FARS2: variants seen among roughly 807,000 people sequenced by gnomAD.
FARS2 encodes the protein phenylalanyl-tRNA synthetase 2, mitochondrial.
A neutral mutation model predicts 46.4 loss-of-function variants in FARS2; 40 were observed. The ratio of observed to expected loss-of-function variants is 0.86; its 90% CI spans 0.67 to 1.12. The LOEUF (loss-of-function observed/expected upper bound fraction) is 1.12. Ranked by LOEUF, FARS2 falls within the 50% of genes most tolerant of loss-of-function variation. The pLI is 0.00. For missense variants in FARS2, 513 were observed against 567.9 expected, an observed-to-expected ratio of 0.90 and a Z score of 0.98; for synonymous variants, 234 against 214.9, an observed-to-expected ratio of 1.09 and a Z score of -0.78.
chr6:5,732,812 CAAAAA>C (rs111399257), intron 6 of FARS2, among the ~76,000 whole-genome samples: 1 of 144,750 alleles, frequency 6.9e-6, no homozygotes, highest in African/African-American at 2.5e-5. Flanking sequence ...TCATATCCTT[CAAAAA>C]AAAAAAAATC....
intron 4 of FARS2, among the ~76,000 whole-genome samples, chr6:5,438,592 C>G (rs1763669338): frequency 2.6e-5 from 4 of 151,648 alleles, no homozygotes; most frequent in African/African-American, 9.7e-5. Flanking sequence ...TCATTTCTAT[C>G]AAGTTTGTTT....
chr6:5,451,960 G>A (rs1422183259), intron 4 of FARS2: 1 of 152,194 alleles, frequency 6.6e-6, no homozygotes, highest in Non-Finnish European at 1.5e-5. Context: ...TCATCACCAT[G>A]TCTTTTATAG....
intron 5 of FARS2, among the ~76,000 whole-genome samples, chr6:5,577,753 A>G (rs1171189626): frequency 1.3e-5 from 2 of 151,826 alleles, no homozygotes; most frequent in East Asian, 3.9e-4. Context: ...AGTAAACAAT[A>G]ATTGGATTGC....
At chr6:5,490,776 G>A (rs147070510) in intron 4 of FARS2, among the ~76,000 whole-genome samples, 15 of 152,316 alleles carry the variant, frequency 9.8e-5, no homozygotes, top group African/African-American at 3.6e-4. Context: ...ACATAGTGAG[G>A]AACTGAGACC....
chr6:5,732,423 A>G (rs1020368062), intron 6 of FARS2, among the ~76,000 whole-genome samples: 4 of 152,144 alleles, frequency 2.6e-5, no homozygotes, highest in Admixed American at 6.5e-5. Flanking sequence ...CAAGCATGCA[A>G]CACCTGTTAG....
chr6:5,763,433 G>A (rs1762591030), intron 6 of FARS2, among the ~76,000 whole-genome samples: 1 of 152,168 alleles, frequency 6.6e-6, no homozygotes, highest in Non-Finnish European at 1.5e-5. Flanking sequence ...ACTCCAGCCT[G>A]GGTGACAGAG....
intron 1 of FARS2, among the ~76,000 whole-genome samples, chr6:5,353,387 T>TA (rs1757697145): frequency 6.6e-6 from 1 of 152,324 alleles, no homozygotes; most frequent in East Asian, 1.9e-4. Flanking sequence ...ATCTTTGACA[T>TA]ACTGATTTCA....
At chr6:5,318,946 C>T (rs890811793) in intron 1 of FARS2, among the ~76,000 whole-genome samples, 2 of 152,228 alleles carry the variant, frequency 1.3e-5, no homozygotes, top group East Asian at 1.9e-4. Flanking sequence ...CCCTGCTTCC[C>T]GACCCTATTC....
At chr6:5,430,041 C>A (rs1582080753) in intron 3 of FARS2, among the ~76,000 whole-genome samples, 1 of 151,920 alleles carries the variant, frequency 6.6e-6, no homozygotes, top group Non-Finnish European at 1.5e-5. Context: ...ATTTTGATTC[C>A]CACAAGATTT....
intron 4 of FARS2, among the ~76,000 whole-genome samples, chr6:5,450,874 T>C (rs937341604): frequency 6.6e-6 from 1 of 152,194 alleles, no homozygotes; most frequent in Non-Finnish European, 1.5e-5. Flanking sequence ...TCTTTCATTA[T>C]TGCCGTGCCT....
chr6:5,273,254 CA>C (rs34755720), intron 1 of FARS2, among the ~76,000 whole-genome samples: 94,025 of 151,830 alleles, frequency 0.62, 29,346 homozygotes, highest in East Asian at 0.84. Flanking sequence ...CACAGTTTTC[CA>C]TATTGGCTAT....
In FARS2 at chr6:5,489,910, G is replaced by A. The variant is rs553387131; in HGVS notation, c.905-55270G>A. 4.6e-4 allele frequency among the ~76,000 whole-genome samples: 70 copies of A among 152,088 alleles called. No individual in the cohort carries two copies. In the South Asian group the frequency reaches 7.3e-3, roughly 16 times the overall value. ...TGCACATAATAATATTTTTTATTACGGTATTATTTACGTAAAATAAAAGTC... is the reference window on the plus strand; with the variant it reads ...TGCACATAATAATATTTTTTATTACAGTATTATTTACGTAAAATAAAAGTC... On this transcript the variant is annotated intron_variant, in intron 4 of 6. Coordinates refer to ENST00000274680, the MANE Select transcript of FARS2 (RefSeq NM_006567.5).
intron 3 of FARS2, among the ~76,000 whole-genome samples, chr6:5,420,055 G>A (rs1049614962): frequency 7.9e-5 from 12 of 152,202 alleles, no homozygotes; most frequent in Non-Finnish European, 4.4e-5. Context: ...CGTGGCAGAA[G>A]GCGAAAGACA....
intron 5 of FARS2, among the ~76,000 whole-genome samples, chr6:5,611,411 G>C (rs1775177577): frequency 6.6e-6 from 1 of 152,054 alleles, no homozygotes; most frequent in South Asian, 2.1e-4. Context: ...GCCACAGGAT[G>C]GTTTTTACCA....
chr6:5,378,187 A>G (rs147963969), intron 2 of FARS2, among the ~76,000 whole-genome samples: 13 of 152,156 alleles, frequency 8.5e-5, no homozygotes, highest in Non-Finnish European at 1.6e-4. Context: ...CTCATTCGCC[A>G]TTTCCTCATG....
intron 2 of FARS2, among the ~76,000 whole-genome samples, chr6:5,384,223 C>G (rs529704762): frequency 6.6e-6 from 1 of 152,268 alleles, no homozygotes; most frequent in Admixed American, 6.5e-5. Context: ...CAGAGCTTGG[C>G]AGTAATATTA....
chr6:5,618,024 A>T (rs1775564218), intron 6 of FARS2, among the ~76,000 whole-genome samples: 1 of 152,228 alleles, frequency 6.6e-6, no homozygotes, highest in South Asian at 2.1e-4. Context: ...GTTGTGGGTC[A>T]TAAGATTTCT....
At position 5,727,161 on chromosome 6, in the gene FARS2, T is replaced by A. The variant is rs1047129285; in HGVS notation, c.1218-44130T>A. ...CAGTGCATGGCACCCAGGAAGCTGC[T>A]CAGTCAACAGTAACGGCGGCTGCTG... is the stretch of plus-strand genomic sequence containing the variant. On this transcript the variant is annotated intron_variant, in intron 6 of 6. Transcript: ENST00000274680. This position sits in a 1 kb window ranked among gnomAD's most constrained non-coding sequence, Gnocchi z 4.1. 6.6e-6 allele frequency among the ~76,000 whole-genome samples: 1 copy of A among 152,112 alleles called. No individual in the cohort carries two copies. The highest frequency in any genetic ancestry group is 1.5e-5 in the Non-Finnish European group (1 of 68,012).
At chr6:5,719,594 C>T (rs369137910) in intron 6 of FARS2, among the ~76,000 whole-genome samples, 2 of 152,090 alleles carry the variant, frequency 1.3e-5, no homozygotes, top group Non-Finnish European at 2.9e-5. Flanking sequence ...CAACTCAATG[C>T]CCTCGTGAGG....
Sources: allele counts gnomAD v4.1 joint callset (sites outside exome capture counted in the v4.1 genomes callset), GRCh38; gene constraint gnomAD v4.1.1; non-coding constraint Gnocchi (gnomAD v3.1); transcripts MANE v1.5; gene names NCBI Gene and HGNC (gene_info 2026-07-23, HGNC 2026-07-21).